The following RBFOX1 variants were observed in gnomAD, a reference collection of about 807,000 sequenced individuals.
RBFOX1 encodes RNA binding protein fox-1 homolog 1.
In RBFOX1, 8 loss-of-function variants were observed where a neutral mutation model predicts 57.7. The ratio of observed to expected loss-of-function variants is 0.14; its 90% CI spans 0.08 to 0.25. The LOEUF (loss-of-function observed/expected upper bound fraction) is 0.25. Ranked by LOEUF, RBFOX1 falls within the 10% of genes least tolerant of loss-of-function variation. The probability of loss-of-function intolerance (pLI) is 1.00; values close to 1 mark genes in which losing one functional copy is unlikely to be tolerated. For missense variants in RBFOX1, 611 were observed against 548.5 expected (o/e 1.11, Z -1.14); for synonymous variants, 326 against 222.4 (o/e 1.47, Z -4.15).
chr16:7,653,985 C>T (rs1461021439), intron 12 of RBFOX1, 38 bp downstream of exon 12: 6 of 1,455,206 alleles, frequency 4.1e-6, no homozygotes, highest in Non-Finnish European at 5.4e-6. Context: ...CTCCCTGCAC[C>T]AGCCCTCCCT....
intron 1 of RBFOX1, among the ~76,000 whole-genome samples, chr16:6,176,493 C>T (rs574365100): frequency 9.4e-5 from 14 of 149,252 alleles, no homozygotes; most frequent in Admixed American, 2.7e-4. Context: ...GTTGCTGTGC[C>T]TCCTTTCTTC....
At chr16:6,832,487 C>T (rs1450790043) in intron 3 of RBFOX1, among the ~76,000 whole-genome samples, 1 of 152,178 alleles carries the variant, frequency 6.6e-6, no homozygotes, top group Non-Finnish European at 1.5e-5. Flanking sequence ...TGAAATGTAA[C>T]ACCTATTGGG....
intron 3 of RBFOX1, among the ~76,000 whole-genome samples, chr16:6,750,485 C>T (rs536872828): frequency 6.6e-6 from 1 of 152,168 alleles, no homozygotes; most frequent in Non-Finnish European, 1.5e-5. Context: ...TTTAATATTT[C>T]TTGACATATG....
chr16:7,300,362 G>C (rs754602345), intron 4 of RBFOX1, among the ~76,000 whole-genome samples: 1 of 152,224 alleles, frequency 6.6e-6, no homozygotes, highest in Non-Finnish European at 1.5e-5. Context: ...GAACAAGCCA[G>C]TGACTCAAAG....
At chr16:6,697,176 A>G (rs1421989498) in intron 3 of RBFOX1, among the ~76,000 whole-genome samples, 2 of 152,174 alleles carry the variant, frequency 1.3e-5, no homozygotes, top group African/African-American at 4.8e-5. Flanking sequence ...CTTGGTGGTG[A>G]TGATGTTATA....
At chr16:7,275,735 T>C (rs142332744) in intron 4 of RBFOX1, among the ~76,000 whole-genome samples, 25 of 152,334 alleles carry the variant, frequency 1.6e-4, no homozygotes, top group Non-Finnish European at 3.5e-4. Flanking sequence ...TGATGGCATA[T>C]GCCACAAGCA....
At chr16:7,140,772 C>T (rs1020698956) in intron 4 of RBFOX1, among the ~76,000 whole-genome samples, 2 of 152,068 alleles carry the variant, frequency 1.3e-5, no homozygotes, top group Admixed American at 1.3e-4. Context: ...GGGAAGGTAG[C>T]GTTAAACTTT....
At chr16:7,220,419 C>G (rs887209113) in intron 4 of RBFOX1, among the ~76,000 whole-genome samples, 1 of 152,122 alleles carries the variant, frequency 6.6e-6, no homozygotes, top group African/African-American at 2.4e-5. Context: ...CATTACAATG[C>G]TAGAGAGAAA....
chr16:6,634,573 T>C (rs1392938824), intron 2 of RBFOX1, among the ~76,000 whole-genome samples: 2 of 147,680 alleles, frequency 1.4e-5, no homozygotes, highest in African/African-American at 4.9e-5. Context: ...ATTACATATT[T>C]AAAGTATTCA....
At chr16:5,923,832 TA>T (rs1340130153) in intron 4 of RBFOX1, among the ~76,000 whole-genome samples, 1 of 152,130 alleles carries the variant, frequency 6.6e-6, no homozygotes, top group Non-Finnish European at 1.5e-5. Context: ...TGAGCCACCG[TA>T]CCTAGCCTCC....
intron 1 of RBFOX1, among the ~76,000 whole-genome samples, chr16:6,047,215 T>G (rs1281871058): frequency 2.6e-5 from 4 of 152,220 alleles, no homozygotes; most frequent in Non-Finnish European, 5.9e-5. Context: ...GATGTCAGTG[T>G]GTGTGTATGT....
chr16:5,934,641 A>G (rs2059132159), intron 4 of RBFOX1, among the ~76,000 whole-genome samples: 1 of 152,208 alleles, frequency 6.6e-6, no homozygotes, highest in South Asian at 2.1e-4. Context: ...ATTTGAGATG[A>G]TGGATATGCT....
intron 3 of RBFOX1, among the ~76,000 whole-genome samples, chr16:6,733,021 A>C (rs557092847): frequency 1.3e-5 from 2 of 152,344 alleles, no homozygotes; most frequent in Non-Finnish European, 2.9e-5. Context: ...GGTTAGGTAC[A>C]TAGTCTTTTT....
At chr16:6,229,163 C>T (rs8054109) in intron 1 of RBFOX1, among the ~76,000 whole-genome samples, 3,251 of 152,214 alleles carry the variant, frequency 0.021, 130 homozygotes, top group African/African-American at 0.074. Context: ...CTTTTACCCC[C>T]CGAGACTATA....
chr16:5,351,525 C>A (rs2065262504), intron 1 of RBFOX1, among the ~76,000 whole-genome samples: 2 of 152,102 alleles, frequency 1.3e-5, no homozygotes, highest in Non-Finnish European at 2.9e-5. Flanking sequence ...CACCTGGCCC[C>A]CAGGCATATA....
chr16:7,421,455 A>T (rs1361083548), intron 4 of RBFOX1, among the ~76,000 whole-genome samples: 1 of 152,248 alleles, frequency 6.6e-6, no homozygotes, highest in Non-Finnish European at 1.5e-5. Context: ...AATAAACACC[A>T]GCCTGAATGT....
At chr16:7,617,496 G>C (rs2058645930) in intron 10 of RBFOX1, among the ~76,000 whole-genome samples, 1 of 152,090 alleles carries the variant, frequency 6.6e-6, no homozygotes, top group African/African-American at 2.4e-5. Context: ...ACCAGTTTAA[G>C]CCCTTGAGAG....
chr16:5,856,195 A>G (rs868654621), intron 3 of RBFOX1, among the ~76,000 whole-genome samples: 2 of 60,246 alleles, frequency 3.3e-5, no homozygotes, highest in African/African-American at 1.1e-4. Flanking sequence ...CTCTATATAT[A>G]TATATATATA....
At chr16:6,719,285 GA>G (rs60940682) in intron 3 of RBFOX1, among the ~76,000 whole-genome samples, 4 of 151,644 alleles carry the variant, frequency 2.6e-5, no homozygotes, top group African/African-American at 7.3e-5. Flanking sequence ...ATATTCAACA[GA>G]AAAAAAGAGG....
Sources: gnomAD v4.1 joint callset for allele counts (sites outside exome capture counted in the v4.1 genomes callset) on GRCh38, gnomAD v4.1.1 for gene constraint, MANE v1.5 for transcripts, NCBI Gene and HGNC (gene_info 2026-07-23, HGNC 2026-07-21) for gene names.